The following ANKRD12 variants were observed in gnomAD, a reference collection of about 807,000 sequenced individuals.
ANKRD12 encodes the protein ankyrin repeat domain 12.
In ANKRD12, 85 loss-of-function variants were observed where a neutral mutation model predicts 183.4. The ratio of observed to expected loss-of-function variants is 0.46; its 90% confidence interval spans 0.39 to 0.56. The LOEUF (loss-of-function observed/expected upper bound fraction) is 0.56. Among genes scored for constraint, ANKRD12 ranks in the 20% least tolerant of loss-of-function variants. The pLI, the probability that ANKRD12 is intolerant of heterozygous loss-of-function variation, is 0.00. For missense variants in ANKRD12, 2,405 were observed against 2,357.1 expected, an observed-to-expected ratio of 1.02 and a Z score of -0.42; for synonymous variants, 914 against 800.2, an observed-to-expected ratio of 1.14 and a Z score of -2.40.
chr18:9,272,738 A>T (rs1468630903), intron 10 of ANKRD12, among the ~76,000 whole-genome samples: 7 of 152,196 alleles, frequency 4.6e-5, no homozygotes, highest in Non-Finnish European at 1.0e-4. Context: ...TTGCACTTTA[A>T]ATTGTACTTA....
intron 11 of ANKRD12, among the ~76,000 whole-genome samples, chr18:9,277,414 G>A (rs930479076): frequency 7.0e-6 from 1 of 143,534 alleles, no homozygotes; most frequent in Non-Finnish European, 1.5e-5. Flanking sequence ...TGCAAGCTCT[G>A]CCTCCCTGGT....
intron 2 of ANKRD12, among the ~76,000 whole-genome samples, chr18:9,193,131 C>G (rs1024503969): frequency 1.8e-4 from 27 of 147,654 alleles, no homozygotes; most frequent in African/African-American, 6.0e-4. Flanking sequence ...AAATTGAGTA[C>G]AGCATTTTTT....
intron 1 of ANKRD12, among the ~76,000 whole-genome samples, chr18:9,139,011 A>G (rs1218917984): frequency 6.6e-6 from 1 of 152,216 alleles, no homozygotes; most frequent in Non-Finnish European, 1.5e-5. Context: ...AATGTTCTTA[A>G]TCTTGTATAG....
intron 1 of ANKRD12, among the ~76,000 whole-genome samples, chr18:9,161,097 T>C (rs892178992): frequency 2.6e-5 from 4 of 151,146 alleles, no homozygotes; most frequent in Middle Eastern, 6.8e-3. Context: ...CCTTGGCCTG[T>C]GTGTGTGTGT....
intron 8 of ANKRD12, among the ~76,000 whole-genome samples, chr18:9,241,175 A>T (rs2037638039): frequency 6.6e-6 from 1 of 152,186 alleles, no homozygotes; most frequent in Non-Finnish European, 1.5e-5. Context: ...AGAAGCATAA[A>T]GACTACAAGA....
At chr18:9,247,670 C>A (rs1344845443) in intron 8 of ANKRD12, among the ~76,000 whole-genome samples, 1 of 152,062 alleles carries the variant, frequency 6.6e-6, no homozygotes, top group African/African-American at 2.4e-5. Context: ...TATTCCCCCT[C>A]CTTTCTTTCC....
intron 2 of ANKRD12, among the ~76,000 whole-genome samples, chr18:9,188,564 A>G (rs1159648551): frequency 2.0e-5 from 3 of 152,206 alleles, no homozygotes; most frequent in Non-Finnish European, 4.4e-5. Flanking sequence ...GGCATACCTC[A>G]TTTTATTGCA....
At chr18:9,202,369 A>T (rs779529641) in intron 3 of ANKRD12, among the ~76,000 whole-genome samples, 6 of 152,192 alleles carry the variant, frequency 3.9e-5, no homozygotes, top group Non-Finnish European at 7.3e-5. Context: ...ACAGATAGAT[A>T]TAATTTTTCT....
intron 8 of ANKRD12, among the ~76,000 whole-genome samples, chr18:9,245,900 CTT>C (rs1226993575): frequency 6.6e-6 from 1 of 152,058 alleles, no homozygotes; most frequent in Non-Finnish European, 1.5e-5. Flanking sequence ...TATTTGGTGT[CTT>C]TTATATACTA....
At chr18:9,165,702 T>A (rs1250317648) in intron 1 of ANKRD12, among the ~76,000 whole-genome samples, 16 of 152,074 alleles carry the variant, frequency 1.1e-4, no homozygotes, top group East Asian at 1.9e-4. Context: ...CTCCTTTTTT[T>A]ATTTATTTTT....
At chr18:9,151,560 C>G (rs554802072) in intron 1 of ANKRD12, among the ~76,000 whole-genome samples, 2 of 152,288 alleles carry the variant, frequency 1.3e-5, no homozygotes, top group Middle Eastern at 6.8e-3. Flanking sequence ...ACCTCACGCT[C>G]CCAGATCACA....
rs1166577479 is a variant in ANKRD12, at chr18:9,258,116, C to A, written c.4849C>A (p.His1617Asn). ...ACTAACTTACAAGTCTTCCAGTGGC[C>A]ATGAAGTTGAGAATAGCACAACTGA... ...SKLTYKSSSG[H>N]EVENSTTDTQ... The change falls in exon 9 of 13, where the codon CAT (histidine) becomes AAT (asparagine). Residue 1617 changes from histidine to asparagine, a missense_variant. Physicochemically the swap from His to Asn is moderately conservative, Grantham distance 68. Around this residue, in one of 7 missense-constraint regions of ANKRD12, gnomAD observed 1,983 missense variants for 1,725.9 expected, o/e 1.15. Transcript: ENST00000262126. 1.2e-6 allele frequency: 2 copies of A among 1,613,468 alleles called. No individual in the cohort carries two copies. Among genetic ancestry groups the A allele is most frequent in the Non-Finnish European group, 1.7e-6 (2 of 1,179,968 alleles).
intron 8 of ANKRD12, among the ~76,000 whole-genome samples, chr18:9,248,307 A>G (rs943247416): frequency 2.6e-5 from 4 of 152,168 alleles, no homozygotes; most frequent in Non-Finnish European, 5.9e-5. Context: ...CATTTGTGGC[A>G]CTCAGTATTG....
At chr18:9,147,228 G>C (rs2078522369) in intron 1 of ANKRD12, among the ~76,000 whole-genome samples, 1 of 151,906 alleles carries the variant, frequency 6.6e-6, no homozygotes, top group African/African-American at 2.4e-5. Flanking sequence ...AAACTATATC[G>C]ATTATTTAAG....
intron 8 of ANKRD12, among the ~76,000 whole-genome samples, chr18:9,248,395 G>A (rs1284300076): frequency 1.3e-5 from 2 of 152,042 alleles, no homozygotes; most frequent in African/African-American, 4.8e-5. Context: ...ATTTTTCATT[G>A]CTGTTTCTCA....
At chr18:9,155,881 T>C (rs1394175035) in intron 1 of ANKRD12, among the ~76,000 whole-genome samples, 2 of 152,164 alleles carry the variant, frequency 1.3e-5, no homozygotes, top group Non-Finnish European at 2.9e-5. Flanking sequence ...TTGTAGAAAT[T>C]TTAAATTTTT....
At chr18:9,142,425 A>G (rs2078350393) in intron 1 of ANKRD12, among the ~76,000 whole-genome samples, 1 of 152,228 alleles carries the variant, frequency 6.6e-6, no homozygotes, top group Admixed American at 6.5e-5. Flanking sequence ...AAACTCACTT[A>G]TGAAAGAGAA....
At position 9,198,544 on chromosome 18, in the gene ANKRD12, A is replaced by G. The variant is rs576192555; in HGVS notation, c.235+2846A>G. 2.4e-4 allele frequency among the ~76,000 whole-genome samples: 37 copies of G among 151,726 alleles called. No homozygotes were observed. In the East Asian group the frequency reaches 6.7e-3, roughly 28 times the overall value. On this transcript the variant is annotated intron_variant, in intron 3 of 12. Transcript: ENST00000262126. Reference sequence around the variant, plus strand: ...CTAATTTTTTCTTTGGGCATTTATTATAATAATGATAACTATTATTATTTT... The same window carrying G: ...CTAATTTTTTCTTTGGGCATTTATTGTAATAATGATAACTATTATTATTTT...
chr18:9,267,313 T>C (rs1007033122), intron 10 of ANKRD12, among the ~76,000 whole-genome samples: 2 of 152,110 alleles, frequency 1.3e-5, no homozygotes, highest in African/African-American at 2.4e-5. Flanking sequence ...ATCAACAGAA[T>C]ATACATTCTT....
Sources: gnomAD v4.1 joint callset for allele counts (sites outside exome capture counted in the v4.1 genomes callset) on GRCh38, gnomAD v4.1.1 for gene constraint, gnomAD v4.1.1 regional missense constraint, MANE v1.5 for transcripts, NCBI Gene and HGNC (gene_info 2026-07-23, HGNC 2026-07-21) for gene names.